Variants in SPRED1 observed in about 807,000 individuals in gnomAD.
The protein encoded by SPRED1 is sprouty-related, EVH1 domain-containing protein 1.
SPRED1 carries 18 observed loss-of-function variants against 52.3 expected under a neutral mutation model. The observed-to-expected ratio is 0.34, with a 90% confidence interval of 0.24 to 0.51. The LOEUF (loss-of-function observed/expected upper bound fraction) is 0.51. SPRED1 is among the 20% of genes least tolerant of loss of function. The probability of loss-of-function intolerance (pLI) is 0.97; values close to 1 mark genes in which losing one functional copy is unlikely to be tolerated. For synonymous variants in SPRED1, 155 were observed against 179.7 expected (o/e 0.86, Z 1.10); for missense variants, 485 against 551.0 (o/e 0.88, Z 1.20).
intron 1 of SPRED1, among the ~76,000 whole-genome samples, chr15:38,262,581 T>A (rs889190645): frequency 6.6e-6 from 1 of 151,536 alleles, no homozygotes; most frequent in African/African-American, 2.4e-5. Flanking sequence ...TTTGGAGGAG[T>A]TGTTAAGGAA....
intron 1 of SPRED1, among the ~76,000 whole-genome samples, chr15:38,255,799 C>G (rs553449144): frequency 6.9e-6 from 1 of 144,318 alleles, no homozygotes; most frequent in African/African-American, 2.5e-5. Context: ...TTTCCCTTTT[C>G]TCTTTTTTAA....
intron 2 of SPRED1, among the ~76,000 whole-genome samples, chr15:38,300,596 C>A (rs1274755099): frequency 1.3e-5 from 2 of 151,992 alleles, no homozygotes; most frequent in African/African-American, 4.8e-5. Flanking sequence ...AATTTCTTCC[C>A]CACTTAAAGG....
intron 5 of SPRED1, among the ~76,000 whole-genome samples, chr15:38,346,706 A>G (rs1896144934): frequency 1.3e-5 from 2 of 152,178 alleles, no homozygotes; most frequent in African/African-American, 4.8e-5. Flanking sequence ...GCATACTGCT[A>G]GTACAAACTT....
intron 1 of SPRED1, among the ~76,000 whole-genome samples, chr15:38,290,147 T>C (rs898977076): frequency 2.0e-5 from 3 of 152,246 alleles, no homozygotes; most frequent in Non-Finnish European, 2.9e-5. Flanking sequence ...AACTCTCATA[T>C]TAATGTTGAC....
intron 5 of SPRED1, among the ~76,000 whole-genome samples, chr15:38,347,370 C>G (rs573101927): frequency 1.3e-5 from 2 of 150,646 alleles, no homozygotes; most frequent in African/African-American, 2.4e-5. Flanking sequence ...AAATTAGTGT[C>G]ACATTGTCAT....
intron 1 of SPRED1, among the ~76,000 whole-genome samples, chr15:38,285,026 C>G (rs1436415908): frequency 1.3e-5 from 2 of 151,986 alleles, no homozygotes; most frequent in African/African-American, 4.8e-5. Context: ...CTGTACCACA[C>G]CATTTTAAAT....
chr15:38,327,797 TTG>T (rs777479511), intron 4 of SPRED1, among the ~76,000 whole-genome samples: 2 of 152,202 alleles, frequency 1.3e-5, no homozygotes, highest in Non-Finnish European at 2.9e-5. Context: ...TAATAAATGT[TTG>T]TGTTTGAAGC....
chr15:38,344,861 T>C (rs1332775147), intron 5 of SPRED1, among the ~76,000 whole-genome samples: 2 of 152,232 alleles, frequency 1.3e-5, no homozygotes, highest in Non-Finnish European at 2.9e-5. Flanking sequence ...GGTTATATTA[T>C]ATGAATTGCA....
intron 6 of SPRED1, among the ~76,000 whole-genome samples, chr15:38,350,673 G>A (rs188332756): frequency 1.3e-5 from 2 of 152,122 alleles, no homozygotes; most frequent in Non-Finnish European, 2.9e-5. Flanking sequence ...CAATAGTAGA[G>A]GTACAGATCC....
intron 4 of SPRED1, among the ~76,000 whole-genome samples, chr15:38,328,917 C>T (rs1033358364): frequency 4.0e-5 from 6 of 151,850 alleles, no homozygotes; most frequent in Admixed American, 6.6e-5. Flanking sequence ...GGTTTTGCCA[C>T]GTTGCCCAGG....
At chr15:38,332,445 C>T (rs1321389614) in intron 4 of SPRED1, among the ~76,000 whole-genome samples, 1 of 151,956 alleles carries the variant, frequency 6.6e-6, no homozygotes, top group Non-Finnish European at 1.5e-5. Flanking sequence ...TGATGGAGTC[C>T]ACCTGTAGTC....
chr15:38,274,918 T>A (rs144679309), intron 1 of SPRED1, among the ~76,000 whole-genome samples: 1 of 152,256 alleles, frequency 6.6e-6, no homozygotes, highest in African/African-American at 2.4e-5. Flanking sequence ...ATCCCATTAC[T>A]GGTAAATTTT....
intron 2 of SPRED1, among the ~76,000 whole-genome samples, chr15:38,312,222 C>T (rs1218045649): frequency 6.6e-6 from 1 of 151,970 alleles, no homozygotes; most frequent in Non-Finnish European, 1.5e-5. Context: ...TCATAAGGTT[C>T]GTAACTGTTA....
At chr15:38,307,391 C>A (rs994417272) in intron 2 of SPRED1, among the ~76,000 whole-genome samples, 1 of 152,170 alleles carries the variant, frequency 6.6e-6, no homozygotes, top group African/African-American at 2.4e-5. Context: ...TTTTCTGTTT[C>A]TGGTGTGGGC....
At chr15:38,258,281 G>A (rs576342126) in intron 1 of SPRED1, among the ~76,000 whole-genome samples, 1 of 152,044 alleles carries the variant, frequency 6.6e-6, no homozygotes, top group Non-Finnish European at 1.5e-5. Flanking sequence ...ATATATACAT[G>A]TGTTTCTTCT....
intron 5 of SPRED1, among the ~76,000 whole-genome samples, chr15:38,343,173 G>A (rs897071229): frequency 3.3e-5 from 5 of 152,040 alleles, no homozygotes; most frequent in Non-Finnish European, 7.4e-5. Context: ...CTCTATAAAG[G>A]TAATTGATAA....
chr15:38,319,746 T>G (rs1895564031), intron 2 of SPRED1, among the ~76,000 whole-genome samples: 1 of 152,256 alleles, frequency 6.6e-6, no homozygotes, highest in African/African-American at 2.4e-5. Context: ...AGAATTTCAC[T>G]GCATTGCCTA....
rs544152337 is a variant in SPRED1, at chr15:38,269,384, A to T, written c.32+16167A>T. Among the ~76,000 whole-genome samples the T allele has an allele frequency of 3.3e-5, 5 of 152,276 alleles. No individual in the cohort carries two copies. The South Asian group carries it at 1.0e-3, about 32-fold the overall frequency. ...CAGCCTCCTGAGTAGCTTGGACTACAGGTGCCTGCCGCCATGCCCAGTAAT... is the reference window on the plus strand; with the variant it reads ...CAGCCTCCTGAGTAGCTTGGACTACTGGTGCCTGCCGCCATGCCCAGTAAT... On this transcript the variant is annotated intron_variant, in intron 1 of 6. Coordinates refer to ENST00000299084, the MANE Select transcript of SPRED1 (RefSeq NM_152594.3).
intron 2 of SPRED1, among the ~76,000 whole-genome samples, chr15:38,303,171 C>T (rs8039324): frequency 0.83 from 125,181 of 151,442 alleles, 52,400 homozygotes; most frequent in Non-Finnish European, 0.9. Flanking sequence ...GGCAACAGAG[C>T]GAGACTCTGT....
Sources: gnomAD v4.1 joint callset for allele counts (sites outside exome capture counted in the v4.1 genomes callset) on GRCh38, gnomAD v4.1.1 for gene constraint, MANE v1.5 for transcripts, NCBI Gene and HGNC (gene_info 2026-07-23, HGNC 2026-07-21) for gene names.